The following USP25 variants were observed in gnomAD, a reference collection of about 807,000 sequenced individuals.
USP25 encodes ubiquitin carboxyl-terminal hydrolase 25.
A neutral mutation model predicts 158.5 loss-of-function variants in USP25; 85 were observed. The ratio of observed to expected loss-of-function variants is 0.54; its 90% CI spans 0.45 to 0.64. The LOEUF (loss-of-function observed/expected upper bound fraction) is 0.64. Among genes scored for constraint, USP25 ranks in the 30% least tolerant of loss-of-function variants. The probability of loss-of-function intolerance (pLI) is 0.00; values close to 1 mark genes in which losing one functional copy is unlikely to be tolerated. For synonymous variants in USP25, 464 were observed against 460.4 expected (o/e 1.01, Z -0.10); for missense variants, 1,242 against 1,327.3 (o/e 0.94, Z 1.00).
At chr21:15,736,704 G>A (rs1029097961) in intron 1 of USP25, among the ~76,000 whole-genome samples, 1 of 151,724 alleles carries the variant, frequency 6.6e-6, no homozygotes, top group Non-Finnish European at 1.5e-5. Flanking sequence ...CCACCCATTT[G>A]CCCCAAATTA....
intron 11 of USP25, 144 bp from the exon 12 acceptor site, chr21:15,824,822 G>A: frequency 1.6e-6 from 1 of 608,080 alleles, no homozygotes; most frequent in Non-Finnish European, 2.9e-6. Flanking sequence ...CACCATGTTG[G>A]CCAGGCTGGT....
chr21:15,840,412 A>G (rs1252726807), intron 17 of USP25, among the ~76,000 whole-genome samples: 1 of 152,150 alleles, frequency 6.6e-6, no homozygotes, highest in Non-Finnish European at 1.5e-5. Context: ...TATATTTTTA[A>G]TACCTAATAT....
At position 15,827,080 on chromosome 21, in the gene USP25, C is replaced by T. The variant is rs774451471; in HGVS notation, c.1570C>T (p.Gln524Ter). 1.2e-6 allele frequency: 2 copies of T among 1,614,208 alleles called. No individual in the cohort carries two copies. Among genetic ancestry groups the T allele is most frequent in the Non-Finnish European group, 1.7e-6 (2 of 1,180,034 alleles). ...ATCAGTAATACACAAACCATTTACT[C>T]AGTCCCGGATACCTCCAGATTTGCC... ...SRSVIHKPFT[Q>*]SRIPPDLPMH... The change falls in exon 14 of 26, where the codon CAG becomes TAG. Residue 524 changes from glutamine (Q) to a stop codon, truncating the protein, a stop_gained. Transcript: ENST00000400183. LOFTEE classifies it high-confidence loss of function.
intron 7 of USP25, among the ~76,000 whole-genome samples, chr21:15,807,443 A>C (rs1192419452): frequency 6.6e-6 from 1 of 152,242 alleles, no homozygotes; most frequent in Admixed American, 6.5e-5. Flanking sequence ...TCCTAAGGAC[A>C]GTCGTAACAA....
At chr21:15,805,398 T>A (rs531074414) in intron 7 of USP25, 140 bp downstream of exon 7, 54 of 815,752 alleles carry the variant, frequency 6.6e-5, no homozygotes, top group Non-Finnish European at 8.5e-5. Context: ...TTTAAAACAT[T>A]TGGGAGACTT....
Position 15,834,255 on chromosome 21 carries a change from ATATAT to A in USP25, c.2194+709_2194+713del, listed in dbSNP as rs534124784. Among the ~76,000 whole-genome samples the A allele has an allele frequency of 2.1e-3, 315 of 152,324 alleles. 1 individual carries two copies. The highest frequency in any genetic ancestry group is 0.014 in the Middle Eastern group (4 of 294). On this transcript the variant is annotated intron_variant, in intron 17 of 25. Coordinates refer to ENST00000400183, the MANE Select transcript of USP25 (RefSeq NM_001283041.3). ...AAAATAGTTTCTAGTAAAATTGAAA[ATATAT>A]TGTCTTTTTATTTTCTTAAAAGATT...
At chr21:15,776,840 T>TA (rs1186230667) in intron 3 of USP25, among the ~76,000 whole-genome samples, 1 of 152,028 alleles carries the variant, frequency 6.6e-6, no homozygotes, top group Admixed American at 6.5e-5. Flanking sequence ...ACACTGTCTC[T>TA]AAAAAATAAA....
At chr21:15,838,562 C>A (rs547809537) in intron 17 of USP25, among the ~76,000 whole-genome samples, 39 of 152,170 alleles carry the variant, frequency 2.6e-4, no homozygotes, top group African/African-American at 8.9e-4. Context: ...TTCAAAAATT[C>A]CACCAGCGAT....
intron 20 of USP25, among the ~76,000 whole-genome samples, chr21:15,853,452 C>G (rs1415983294): frequency 2.0e-5 from 3 of 152,112 alleles, no homozygotes; most frequent in African/African-American, 7.2e-5. Flanking sequence ...ATATTTTCTC[C>G]CAGTCTACCA....
intron 19 of USP25, 78 bp from the exon 20 acceptor site, chr21:15,849,697 CAA>C (rs1158926493): frequency 1.1e-5 from 12 of 1,105,136 alleles, no homozygotes; most frequent in African/African-American, 1.6e-5. Context: ...ATATGGAAAA[CAA>C]AAGAGTTTCA....
intron 1 of USP25, among the ~76,000 whole-genome samples, chr21:15,749,534 A>T (rs1028001489): frequency 6.6e-6 from 1 of 152,236 alleles, no homozygotes; most frequent in African/African-American, 2.4e-5. Context: ...TTGCATGTGT[A>T]CATTTCTGCT....
At chr21:15,842,594 C>G in intron 18 of USP25, 54 bp downstream of exon 18, 1 of 1,596,282 alleles carries the variant, frequency 6.3e-7, no homozygotes, top group Non-Finnish European at 8.5e-7. Flanking sequence ...GACATTTCCT[C>G]CAGTATAGTG....
At chr21:15,779,253 A>C (rs750430132) in intron 4 of USP25, among the ~76,000 whole-genome samples, 1 of 152,064 alleles carries the variant, frequency 6.6e-6, no homozygotes, top group Non-Finnish European at 1.5e-5. Flanking sequence ...AGCATTTGAG[A>C]AATTATATGA....
intron 22 of USP25, among the ~76,000 whole-genome samples, chr21:15,866,669 A>G (rs1030092627): frequency 6.6e-6 from 1 of 152,154 alleles, no homozygotes; most frequent in Non-Finnish European, 1.5e-5. Flanking sequence ...TTTGAAATCA[A>G]CTTAGAAATT....
In USP25 at chr21:15,847,772, A is replaced by G; in HGVS notation, c.2447A>G (p.Asp816Gly). The change falls in exon 19 of 26, where the codon GAC (aspartate) becomes GGC (glycine). Residue 816 changes from aspartate to glycine, a missense_variant. Physicochemically the swap from Asp to Gly is moderately conservative, Grantham distance 94. Around this residue, in one of 3 missense-constraint regions of USP25, gnomAD observed 608 missense variants for 605.2 expected, o/e 1.00. Transcript: ENST00000400183. ...GAATCAAAGGAGGGGGGGTATGATG[A>G]CGAGGTACCTTTTACAGCCCTCTGC... The part of the protein sequence containing the change: ...MIESKEGGYD[D>G]EIMMTPNMQG... The G allele has an allele frequency of 1.9e-6, 3 of 1,546,352 alleles. No individual in the cohort carries two copies. The highest frequency in any genetic ancestry group is 1.2e-5 in the South Asian group (1 of 83,928).
chr21:15,776,413 T>G (rs1476671404), intron 3 of USP25, among the ~76,000 whole-genome samples: 1 of 152,118 alleles, frequency 6.6e-6, no homozygotes, highest in Non-Finnish European at 1.5e-5. Context: ...CAAGCTACTA[T>G]TTGGAGAACG....
chr21:15,813,518 T>G (rs865824932), intron 9 of USP25, among the ~76,000 whole-genome samples: 1 of 152,364 alleles, frequency 6.6e-6, no homozygotes, highest in South Asian at 2.1e-4. Context: ...TTACCCAGTT[T>G]TATATCAAAA....
At position 15,863,176 on chromosome 21, in the gene USP25, A is replaced by G. The variant is rs183893488; in HGVS notation, c.2548-1092A>G. Among the ~76,000 whole-genome samples, 185 of 152,158 alleles carry G rather than the reference A, an allele frequency of 1.2e-3. 1 individual carries two copies. Among genetic ancestry groups the G allele is most frequent in the Non-Finnish European group, 2.0e-3 (134 of 67,964 alleles). On this transcript the variant is annotated intron_variant, in intron 20 of 25. Coordinates refer to ENST00000400183, the MANE Select transcript of USP25 (RefSeq NM_001283041.3). ...ATATGTACAATATGTGTAAATCTAT[A>G]CATATTTCTATATGGTCAGATATTT...
rs149230230 is a variant in USP25, at chr21:15,854,144, T to G, written c.2547+4272T>G. 9.7e-3 allele frequency among the ~76,000 whole-genome samples: 1,470 copies of G among 151,136 alleles called. 18 individuals carry two copies. The highest frequency in any genetic ancestry group is 0.032 in the African/African-American group (1,336 of 41,408). The stretch of plus-strand genomic sequence containing the variant: ...AAATTGAGGGAAAAGTTGTTTGTTT[T>G]GTTTTGTTTTGTTTTGTTTGAGGCA... On this transcript the variant is annotated intron_variant, in intron 20 of 25. Transcript: ENST00000400183.
Sources: gnomAD v4.1 joint callset for allele counts (sites outside exome capture counted in the v4.1 genomes callset) on GRCh38, gnomAD v4.1.1 for gene constraint, gnomAD v4.1.1 regional missense constraint, MANE v1.5 for transcripts, NCBI Gene and HGNC (gene_info 2026-07-23, HGNC 2026-07-21) for gene names.